Variants in NSF observed in about 807,000 individuals in gnomAD.
NSF encodes vesicle-fusing ATPase.
NSF carries 14 observed loss-of-function variants against 50.3 expected under a neutral mutation model. The observed-to-expected ratio is 0.28, with a 90% CI of 0.18 to 0.44. The LOEUF (loss-of-function observed/expected upper bound fraction) is 0.44. NSF is among the 20% of genes least tolerant of loss of function. NSF has a pLI of 1.00. For missense variants in NSF, 218 were observed against 504.3 expected, an observed-to-expected ratio of 0.43 and a Z score of 5.44; for synonymous variants, 109 against 175.7, an observed-to-expected ratio of 0.62 and a Z score of 3.00.
At chr17:46,703,705 C>CAAAAAAAA (rs1210689723) in intron 12 of NSF, among the ~76,000 whole-genome samples, 1 of 115,542 alleles carries the variant, frequency 8.7e-6, no homozygotes, top group African/African-American at 3.3e-5. Flanking sequence ...AAAAAAAAAA[C>CAAAAAAAA]AAAAAACAGA....
chr17:46,731,325 G>A (rs895720096), intron 17 of NSF, among the ~76,000 whole-genome samples: 1 of 152,128 alleles, frequency 6.6e-6, no homozygotes, highest in African/African-American at 2.4e-5. Flanking sequence ...ATGGCCTAGG[G>A]CTGGGAGGGG....
chr17:46,752,503 C>T (rs901999193), intron 19 of NSF, among the ~76,000 whole-genome samples: 1 of 151,826 alleles, frequency 6.6e-6, no homozygotes, highest in Non-Finnish European at 1.5e-5. Context: ...TCTCCCAGGC[C>T]GGAATGCAGT....
chr17:46,751,245 A>AT (rs1190449326), intron 18 of NSF, among the ~76,000 whole-genome samples: 3 of 152,128 alleles, frequency 2.0e-5, no homozygotes, highest in Non-Finnish European at 4.4e-5. Flanking sequence ...GATTGGAGCT[A>AT]TTTTTTTCCC....
chr17:46,755,763 C>A, intron 20 of NSF, 39 bp from the exon 21 acceptor site: 1 of 1,579,606 alleles, frequency 6.3e-7, no homozygotes, highest in South Asian at 1.2e-5. Flanking sequence ...TTTTACGGAC[C>A]CTCATCTGTT....
At chr17:46,711,184 C>T (rs1302582469) in intron 14 of NSF, 65 bp downstream of exon 14, 42 of 1,374,652 alleles carry the variant, frequency 3.1e-5, no homozygotes, top group Admixed American at 1.6e-4. Flanking sequence ...TTTAAAAGCC[C>T]GTAAGCACAT....
At chr17:46,751,813 C>CA (rs1487262747) in intron 19 of NSF, among the ~76,000 whole-genome samples, 197 bp downstream of exon 19, 4 of 152,078 alleles carry the variant, frequency 2.6e-5, no homozygotes, top group Non-Finnish European at 5.9e-5. Flanking sequence ...TCTTAAAATT[C>CA]AAAAATGGAA....
chr17:46,754,566 A>G (rs9902077), intron 19 of NSF, among the ~76,000 whole-genome samples: 25,337 of 152,208 alleles, frequency 0.17, 4,149 homozygotes, highest in East Asian at 0.6. Context: ...AGATAACTTC[A>G]TATCTCCTGT....
intron 14 of NSF, among the ~76,000 whole-genome samples, 188 bp downstream of exon 14, chr17:46,711,307 TAGTG>T (rs1365275542): frequency 6.6e-6 from 1 of 152,204 alleles, no homozygotes; most frequent in African/African-American, 2.4e-5. Flanking sequence ...GGTAGAATGT[TAGTG>T]AGGAAAGATA....
chr17:46,753,745 G>A (rs1332430884), intron 19 of NSF, among the ~76,000 whole-genome samples: 2 of 152,132 alleles, frequency 1.3e-5, no homozygotes, highest in Non-Finnish European at 2.9e-5. Context: ...GTGAGAGTGG[G>A]GCACTCAGGC....
intron 13 of NSF, among the ~76,000 whole-genome samples, chr17:46,709,855 C>T (rs2058701513): frequency 6.6e-6 from 1 of 152,154 alleles, no homozygotes; most frequent in Admixed American, 6.5e-5. Context: ...TTACTTTTTA[C>T]ACTGCTACTG....
chr17:46,622,602 A>T (rs1339386510), intron 1 of NSF, among the ~76,000 whole-genome samples: 1 of 146,064 alleles, frequency 6.8e-6, no homozygotes, highest in African/African-American at 2.6e-5. Context: ...GGGCAACGTG[A>T]TGAAACCCCC....
Position 46,739,370 on chromosome 17 carries a change from C to CAAAAA in NSF, c.1909-10385_1909-10381dup, listed in dbSNP as rs1230180574. On this transcript the variant is annotated intron_variant, in intron 17 of 20. Transcript: ENST00000398238. ...TGGGCAACAGAGCGAGACTCTGTCT[C>CAAAAA]AAAAAAAAAAAAAAAAAAAAAAGCC... Among the ~76,000 whole-genome samples, 72 of 53,166 alleles carry CAAAAA rather than the reference C, an allele frequency of 1.4e-3. 8 individuals carry two copies. Among genetic ancestry groups the CAAAAA allele is most frequent in the Admixed American group, 3.5e-3 (10 of 2,828 alleles). The allele number at this position is 53,166 out of a possible 152,430, so 34.9% of individuals were successfully genotyped here. A position where few individuals can be genotyped will look rare whatever the true frequency, so the allele number is the denominator to read the frequency against.
chr17:46,705,045 AT>A (rs2058645894), intron 13 of NSF, among the ~76,000 whole-genome samples, 191 bp downstream of exon 13: 1 of 149,530 alleles, frequency 6.7e-6, no homozygotes, highest in African/African-American at 2.5e-5. Context: ...GGCTGGTGAT[AT>A]TATTTACTGA....
chr17:46,731,807 T>C (rs377668146), intron 17 of NSF, among the ~76,000 whole-genome samples: 14 of 152,228 alleles, frequency 9.2e-5, no homozygotes, highest in African/African-American at 2.9e-4. Context: ...ACTGCCAGAT[T>C]ACCTGCAGTA....
intron 13 of NSF, among the ~76,000 whole-genome samples, 192 bp from the exon 14 acceptor site, chr17:46,710,771 A>G (rs967392361): frequency 1.3e-5 from 2 of 152,198 alleles, no homozygotes; most frequent in African/African-American, 4.8e-5. Flanking sequence ...AGTCACCCAA[A>G]GCAGCTTTTT....
At chr17:46,625,879 T>TAAAAAA (rs147622864) in intron 2 of NSF, among the ~76,000 whole-genome samples, 1 of 59,006 alleles carries the variant, frequency 1.7e-5, no homozygotes, top group Non-Finnish European at 3.1e-5. Context: ...CCACATGTAT[T>TAAAAAA]AAAAAAAAAA....
rs1303137881 is a variant in NSF at position 46,638,632 on chromosome 17, C to T, written c.405+1090C>T. Among the ~76,000 whole-genome samples, 3 of 137,022 alleles carry T rather than the reference C, an allele frequency of 2.2e-5. 1 individual carries two copies. Among genetic ancestry groups the T allele is most frequent in the African/African-American group, 8.9e-5 (3 of 33,696 alleles). The allele number at this position is 137,022 out of a possible 152,430, so 89.9% of individuals were successfully genotyped here. A position where few individuals can be genotyped will look rare whatever the true frequency, so the allele number is the denominator to read the frequency against. ...GCTCAGGTGATCCATCCGCCTTGAC[C>T]TCCCAAAGTGCTGAGATTACAGGCA... On this transcript the variant is annotated intron_variant, in intron 5 of 20. Coordinates refer to ENST00000398238, the MANE Select transcript of NSF (RefSeq NM_006178.4).
chr17:46,726,829 C>G (rs2058894388), intron 16 of NSF, among the ~76,000 whole-genome samples: 1 of 152,176 alleles, frequency 6.6e-6, no homozygotes, highest in Admixed American at 6.5e-5. Context: ...CCATTATAAA[C>G]TGCTTTCTTG....
chr17:46,744,638 T>G (rs2059109976), intron 17 of NSF, among the ~76,000 whole-genome samples: 1 of 152,176 alleles, frequency 6.6e-6, no homozygotes. Flanking sequence ...AAAAGCTTTC[T>G]TCCACTTGAA....
Sources: allele counts gnomAD v4.1 joint callset (sites outside exome capture counted in the v4.1 genomes callset), GRCh38; gene constraint gnomAD v4.1.1; transcripts MANE v1.5; gene names NCBI Gene and HGNC (gene_info 2026-07-23, HGNC 2026-07-21).